CFAP300: variants seen among roughly 807,000 people sequenced by gnomAD.
CFAP300 encodes cilia and flagella associated protein 300.
Under a neutral mutation model 33.0 loss-of-function variants are expected in CFAP300, and 32 were observed. The observed-to-expected ratio is 0.97, with a 90% CI of 0.73 to 1.30. The LOEUF is 1.30. Among genes scored for constraint, CFAP300 ranks in the 50% most tolerant of loss-of-function variants. The pLI is 0.00. For missense variants in CFAP300, 356 were observed against 318.1 expected (o/e 1.12, Z -0.90); for synonymous variants, 102 against 106.8 (o/e 0.95, Z 0.28).
rs746133407 is a variant in CFAP300 at position 102,075,939 on chromosome 11, T to C, written c.502T>C (p.Phe168Leu). Residue 168 changes from phenylalanine to leucine, a missense_variant, in exon 5 of 7, where the codon TTT (phenylalanine) becomes CTT (leucine). Phe to Leu is a conservative substitution (Grantham distance 22, BLOSUM62 0). Transcript: ENST00000434758. ...FSQPDREEFL[F>L]CLFKHLCLGG... ...CCAACCAGATAGAGAAGAGTTCCTGTTTTGTCTTTTCAAACATCTTTGCCT... is the reference window on the plus strand; with the variant it reads ...CCAACCAGATAGAGAAGAGTTCCTGCTTTGTCTTTTCAAACATCTTTGCCT... The C allele has an allele frequency of 1.2e-6, 2 of 1,613,934 alleles. No individual in the cohort carries two copies. Among genetic ancestry groups the C allele is most frequent in the Non-Finnish European group, 1.7e-6 (2 of 1,179,938 alleles).
intron 2 of CFAP300, among the ~76,000 whole-genome samples, chr11:102,054,242 A>C (rs1305044702): frequency 1.3e-5 from 2 of 152,272 alleles, no homozygotes; most frequent in East Asian, 1.9e-4. Context: ...ATGCCGTTAG[A>C]TTATGTCTGC....
At chr11:102,056,627 G>A (rs1942061662) in intron 2 of CFAP300, among the ~76,000 whole-genome samples, 1 of 151,790 alleles carries the variant, frequency 6.6e-6, no homozygotes, top group South Asian at 2.1e-4. Flanking sequence ...TGGGTTTTTT[G>A]TTTGTTTGTT....
chr11:102,065,008 T>C (rs1341088954), intron 3 of CFAP300, among the ~76,000 whole-genome samples: 1 of 152,046 alleles, frequency 6.6e-6, no homozygotes, highest in African/African-American at 2.4e-5. Context: ...AATTCTGAAT[T>C]TGTGATAATT....
chr11:102,066,439 AAATT>A (rs780285039), intron 3 of CFAP300, 42 bp from the exon 4 acceptor site: 1 of 1,406,066 alleles, frequency 7.1e-7, no homozygotes, highest in South Asian at 1.4e-5. Flanking sequence ...TGAGAATACT[AAATT>A]AATTTTTCTA....
chr11:102,047,812 C>T lies in CFAP300; in HGVS notation c.111-3C>T. On this transcript the variant is annotated splice_polypyrimidine_tract_variant and splice_region_variant and intron_variant, in intron 1 of 6. Transcript: ENST00000434758. ...ATGATTTCTTTTTCCTCCTCTGCCC[C>T]AGGTCCATGCTGGGCAGAATCAAGG... 3.1e-6 allele frequency: 5 copies of T among 1,614,024 alleles called. No homozygotes were observed. The highest frequency in any genetic ancestry group is 1.1e-5 in the South Asian group (1 of 91,052).
intron 6 of CFAP300, among the ~76,000 whole-genome samples, chr11:102,082,024 G>A (rs1942481207): frequency 6.6e-6 from 1 of 151,748 alleles, no homozygotes; most frequent in South Asian, 2.1e-4. Context: ...CACTTAACAA[G>A]TATTTATTAA....
At position 102,083,331 on chromosome 11, in the gene CFAP300, A is replaced by C. The variant is rs1305717104; in HGVS notation, c.*132A>C. 4.7e-5 allele frequency: 30 copies of C among 644,378 alleles called. No individual in the cohort carries two copies. The highest frequency in any genetic ancestry group is 6.6e-5 in the Non-Finnish European group (30 of 457,080). The allele number at this position is 644,378 out of a possible 1,614,324, so 39.9% of individuals were successfully genotyped here. On this transcript the variant is annotated 3_prime_UTR_variant, in exon 7 of 7. Coordinates refer to ENST00000434758, the MANE Select transcript of CFAP300 (RefSeq NM_032930.3). ...TAAGGAGCCTACTTAGAGCAGAAGA[A>C]AGCAAACACCAAGATGCCTTTTTAA... is the stretch of plus-strand genomic sequence containing the variant.
intron 2 of CFAP300, among the ~76,000 whole-genome samples, chr11:102,053,238 T>A (rs1447631555): frequency 6.9e-6 from 1 of 145,076 alleles, no homozygotes; most frequent in African/African-American, 2.6e-5. Flanking sequence ...CAAAAAAAAA[T>A]AATTAATTAA....
Position 102,084,020 on chromosome 11 carries a change from A to G in CFAP300, c.*821A>G, listed in dbSNP as rs1354845605. ...ACAGAGCAAGACTCCGTCTCAGAAAAAAAAAAGGTTCTGAAAGTGGTTGTA... is the reference window on the plus strand; with the variant it reads ...ACAGAGCAAGACTCCGTCTCAGAAAGAAAAAAGGTTCTGAAAGTGGTTGTA... On this transcript the variant is annotated 3_prime_UTR_variant, in exon 7 of 7. Coordinates refer to ENST00000434758, the MANE Select transcript of CFAP300 (RefSeq NM_032930.3). The G allele has an allele frequency of 6.6e-6, 1 of 152,136 alleles. No homozygotes were observed. The highest frequency in any genetic ancestry group is 1.5e-5 in the Non-Finnish European group (1 of 68,042). 9.4% of individuals were successfully genotyped at this position (152,136 alleles called of 1,614,324 possible).
In CFAP300 at chr11:102,052,539, C is replaced by T. The variant is rs1172092722; in HGVS notation, c.192+4643C>T. 2.0e-5 allele frequency among the ~76,000 whole-genome samples: 3 copies of T among 152,106 alleles called. No homozygotes were observed. The East Asian group carries it at 5.8e-4, about 29-fold the overall frequency. On this transcript the variant is annotated intron_variant, in intron 2 of 6. Transcript: ENST00000434758. Reference sequence around the variant, plus strand: ...GAAAAAAATGTGTTTACCTTTAGTTCTTCACCACTAGAATGTAAATTCCAT... The same window carrying T: ...GAAAAAAATGTGTTTACCTTTAGTTTTTCACCACTAGAATGTAAATTCCAT...
intron 4 of CFAP300, 23 bp downstream of exon 4, chr11:102,066,674 T>C: frequency 6.4e-7 from 1 of 1,566,292 alleles, no homozygotes; most frequent in South Asian, 1.2e-5. Context: ...TTTTAAAATT[T>C]CGCAGTGGAA....
intron 6 of CFAP300, among the ~76,000 whole-genome samples, chr11:102,082,858 A>G (rs953202806): frequency 1.3e-5 from 2 of 151,952 alleles, no homozygotes; most frequent in Non-Finnish European, 2.9e-5. Context: ...TTAGCTGGGC[A>G]TGGTGGCACA....
chr11:102,074,245 T>C (rs980498974), intron 4 of CFAP300, among the ~76,000 whole-genome samples: 1 of 151,934 alleles, frequency 6.6e-6, no homozygotes, highest in Non-Finnish European at 1.5e-5. Context: ...CCAGCATGAG[T>C]TCCTCTCTGG....
chr11:102,056,614 T>G lies in CFAP300; in HGVS notation c.193-2266T>G, dbSNP rs374905824. 3.3e-5 allele frequency among the ~76,000 whole-genome samples: 5 copies of G among 151,948 alleles called. No individual in the cohort carries two copies. The East Asian group carries it at 7.9e-4, about 24-fold the overall frequency. On this transcript the variant is annotated intron_variant, in intron 2 of 6. Transcript: ENST00000434758. ...GGGGTTTTTTGTTTGTTTGTTTGTT[T>G]TTTGGGTTTTTTGTTTGTTTGTTTG...
intron 6 of CFAP300, among the ~76,000 whole-genome samples, chr11:102,081,904 A>AAG (rs1298965794): frequency 6.6e-6 from 1 of 151,760 alleles, no homozygotes; most frequent in East Asian, 1.9e-4. Context: ...AAAAAAAAAA[A>AAG]AAAGAATGCC....
intron 2 of CFAP300, among the ~76,000 whole-genome samples, chr11:102,052,628 T>C (rs7928958): frequency 0.43 from 65,429 of 152,084 alleles, 14,372 homozygotes; most frequent in East Asian, 0.71. Context: ...TCAGCTCACA[T>C]CTCTTCTCTG....
chr11:102,076,040 G>A lies in CFAP300; in HGVS notation c.603G>A (p.Leu201=). The A allele has an allele frequency of 1.2e-6, 2 of 1,606,148 alleles. No homozygotes were observed. Among genetic ancestry groups the A allele is most frequent in the Non-Finnish European group, 1.7e-6 (2 of 1,177,674 alleles). Residue 201 remains leucine (L), a synonymous_variant, in exon 5 of 7, where the codon CTG becomes CTA. Coordinates refer to ENST00000434758, the MANE Select transcript of CFAP300 (RefSeq NM_032930.3). ...CAACAAAGCTTATCTATAAGGATCT[G>A]GTGAGGTAATGTTGCTAGATCACAA... ...LETTKLIYKD[L]VSVRKNPQTK... is the part of the protein sequence containing the mutation.
intron 2 of CFAP300, among the ~76,000 whole-genome samples, chr11:102,052,281 T>C (rs1941983121): frequency 6.6e-6 from 1 of 152,224 alleles, no homozygotes; most frequent in Non-Finnish European, 1.5e-5. Context: ...TAAATTTTCT[T>C]TTTTTAAGAG....
At chr11:102,067,013 A>T (rs929842158) in intron 4 of CFAP300, among the ~76,000 whole-genome samples, 1 of 152,194 alleles carries the variant, frequency 6.6e-6, no homozygotes, top group African/African-American at 2.4e-5. Flanking sequence ...TTTTTGCTCA[A>T]TGTGGGCCTT....
Sources: allele counts gnomAD v4.1 joint callset (sites outside exome capture counted in the v4.1 genomes callset), GRCh38; gene constraint gnomAD v4.1.1; transcripts MANE v1.5; gene names NCBI Gene and HGNC (gene_info 2026-07-23, HGNC 2026-07-21).